The following SPATS2 variants were observed in gnomAD, a reference collection of about 807,000 sequenced individuals.
The protein encoded by SPATS2 is spermatogenesis associated serine rich 2.
SPATS2 carries 38 observed loss-of-function variants against 63.7 expected under a neutral mutation model. That is an observed-to-expected ratio of 0.60 (90% CI 0.46 to 0.78). SPATS2 has a LOEUF of 0.78. SPATS2 is among the 30% of genes least tolerant of loss of function. The pLI is 0.00. For synonymous variants in SPATS2, 207 were observed against 232.9 expected (o/e 0.89, Z 1.01); for missense variants, 588 against 666.2 (o/e 0.88, Z 1.29).
intron 3 of SPATS2, chr12:49,469,389 CAAAAAAAA>C (rs779364300): frequency 4.5e-5 from 3 of 66,930 alleles, no homozygotes; most frequent in Non-Finnish European, 8.1e-5. Context: ...GACTCTGTCT[CAAAAAAAA>C]AAAAAAAAAA....
intron 3 of SPATS2, among the ~76,000 whole-genome samples, chr12:49,476,832 G>A (rs1432223841): frequency 1.3e-5 from 2 of 152,208 alleles, no homozygotes; most frequent in South Asian, 2.1e-4. Context: ...TTGGCTGGGC[G>A]CGGTGGCTCA....
chr12:49,517,468 A>G (rs986030162), intron 10 of SPATS2, among the ~76,000 whole-genome samples: 2 of 152,190 alleles, frequency 1.3e-5, no homozygotes, highest in Non-Finnish European at 2.9e-5. Flanking sequence ...GATTCTATGT[A>G]TATCAGTTAG....
At chr12:49,523,059 G>A (rs1946969087) in intron 12 of SPATS2, among the ~76,000 whole-genome samples, 1 of 152,170 alleles carries the variant, frequency 6.6e-6, no homozygotes, top group Non-Finnish European at 1.5e-5. Context: ...AAATGTGAAA[G>A]ACTGTTTTTT....
intron 3 of SPATS2, among the ~76,000 whole-genome samples, chr12:49,478,845 T>A (rs1332895032): frequency 1.3e-5 from 2 of 152,160 alleles, no homozygotes; most frequent in Non-Finnish European, 2.9e-5. Context: ...TTGTCCTGCA[T>A]CCAGGAAGAA....
chr12:49,497,636 C>T (rs1428827094), intron 8 of SPATS2, among the ~76,000 whole-genome samples: 6 of 152,024 alleles, frequency 3.9e-5, no homozygotes, highest in East Asian at 1.9e-4. Context: ...CCTCGTGATC[C>T]GCCTGTCTCG....
chr12:49,372,242 G>A (rs987648166), intron 2 of SPATS2, among the ~76,000 whole-genome samples: 5 of 151,868 alleles, frequency 3.3e-5, no homozygotes, highest in African/African-American at 9.7e-5. Context: ...ATGAAGTTTC[G>A]CCATTTTGGC....
chr12:49,416,443 G>C (rs1944891014), intron 2 of SPATS2, among the ~76,000 whole-genome samples: 1 of 152,062 alleles, frequency 6.6e-6, no homozygotes, highest in South Asian at 2.1e-4. Context: ...AGTTGCCTGA[G>C]AGAGCACCTG....
intron 2 of SPATS2, among the ~76,000 whole-genome samples, chr12:49,399,722 C>T (rs190496463): frequency 1.3e-4 from 20 of 152,242 alleles, no homozygotes; most frequent in Middle Eastern, 6.8e-3. Context: ...TTAATTGTGC[C>T]TGGTTTTCAG....
intron 2 of SPATS2, among the ~76,000 whole-genome samples, chr12:49,377,024 C>T (rs905174263): frequency 6.6e-6 from 1 of 152,050 alleles, no homozygotes; most frequent in Non-Finnish European, 1.5e-5. Context: ...CCCAGTGTTT[C>T]GTTAATCTTA....
chr12:49,386,178 T>C (rs767501781), intron 2 of SPATS2, among the ~76,000 whole-genome samples: 47 of 151,108 alleles, frequency 3.1e-4, no homozygotes, highest in Non-Finnish European at 5.8e-4. Flanking sequence ...TGTGGTTATT[T>C]ATTTGAGACA....
chr12:49,376,334 C>T (rs914534734), intron 2 of SPATS2, among the ~76,000 whole-genome samples: 2 of 151,896 alleles, frequency 1.3e-5, no homozygotes, highest in African/African-American at 2.4e-5. Flanking sequence ...AACTCCTGAC[C>T]TCAGGTGATC....
At chr12:49,453,455 A>G (rs908050559) in intron 2 of SPATS2, among the ~76,000 whole-genome samples, 2 of 152,140 alleles carry the variant, frequency 1.3e-5, no homozygotes, top group Non-Finnish European at 2.9e-5. Flanking sequence ...TCACTGTGGT[A>G]TGTGGCTGCT....
At chr12:49,512,754 T>C (rs1472468728) in intron 9 of SPATS2, 1 of 612,306 alleles carries the variant, frequency 1.6e-6, no homozygotes, top group East Asian at 7.4e-5. Context: ...TGTCATCTGA[T>C]GGACACAGCG....
chr12:49,442,785 T>TAAAAA, intron 2 of SPATS2: 1 of 62,916 alleles, frequency 1.6e-5, no homozygotes, highest in Admixed American at 2.5e-4. Context: ...CCATGTCTCC[T>TAAAAA]TAAAAAAAAA....
In SPATS2 at chr12:49,522,797, C is replaced by T. The variant is rs777764147; in HGVS notation, c.1055C>T (p.Ala352Val). ...RKYDEDLGRVARFTCDVETLK... is the reference protein window; with the variant it reads ...RKYDEDLGRVVRFTCDVETLK... ...TATGATGAGGATCTGGGACGAGTAG[C>T]CCGGTTCACCTGTGATGTAGAGACC... Residue 352 changes from alanine to valine, a missense_variant, in exon 12 of 14, where the codon GCC becomes GTC. By Grantham distance (64) the Ala-to-Val change is moderately conservative (BLOSUM62 0). Transcript: ENST00000552918. 8.7e-6 allele frequency: 14 copies of T among 1,613,804 alleles called. No homozygotes were observed. The highest frequency in any genetic ancestry group is 1.2e-5 in the Non-Finnish European group (14 of 1,179,806).
At chr12:49,479,007 T>C (rs1286366843) in intron 3 of SPATS2, among the ~76,000 whole-genome samples, 1 of 152,116 alleles carries the variant, frequency 6.6e-6, no homozygotes. Context: ...GAGGAGGCCC[T>C]GTAGAGGATG....
chr12:49,521,020 A>C (rs576947783), intron 11 of SPATS2, among the ~76,000 whole-genome samples: 2 of 152,276 alleles, frequency 1.3e-5, no homozygotes, highest in East Asian at 3.9e-4. Flanking sequence ...CGCCTGGCCA[A>C]ATTCTTATAT....
chr12:49,517,636 A>T (rs1391122961), intron 10 of SPATS2, among the ~76,000 whole-genome samples: 1 of 152,158 alleles, frequency 6.6e-6, no homozygotes, highest in Non-Finnish European at 1.5e-5. Flanking sequence ...CTGCCCAGCC[A>T]TTCTGAGAGT....
chr12:49,503,131 C>T (rs1259081840), intron 9 of SPATS2, among the ~76,000 whole-genome samples: 2 of 152,062 alleles, frequency 1.3e-5, no homozygotes, highest in Non-Finnish European at 2.9e-5. Context: ...GCGGGCAGAT[C>T]ACAAGGTCAA....
Sources: gnomAD v4.1 joint callset for allele counts (sites outside exome capture counted in the v4.1 genomes callset) on GRCh38, gnomAD v4.1.1 for gene constraint, MANE v1.5 for transcripts, NCBI Gene and HGNC (gene_info 2026-07-23, HGNC 2026-07-21) for gene names.